Variants in SOX13 observed in about 807,000 individuals in gnomAD.
SOX13 encodes transcription factor SOX-13.
SOX13 carries 28 observed loss-of-function variants against 71.8 expected under a neutral mutation model. The observed-to-expected ratio is 0.39, with a 90% confidence interval of 0.29 to 0.53. The LOEUF (loss-of-function observed/expected upper bound fraction) is 0.53. SOX13 is among the 20% of genes least tolerant of loss of function. The probability of loss-of-function intolerance (pLI) is 0.70; values close to 1 mark genes in which losing one functional copy is unlikely to be tolerated. For missense variants in SOX13, 627 were observed against 810.3 expected (o/e 0.77, Z 2.75); for synonymous variants, 309 against 317.8 (o/e 0.97, Z 0.29).
At position 204,114,398 on chromosome 1, in the gene SOX13, G is replaced by C. The variant is rs766165375; in HGVS notation, c.297G>C (p.Gln99His). The change falls in exon 3 of 14, where the codon CAG (glutamine) becomes CAC (histidine). Residue 99 changes from glutamine (Q) to histidine (H), a missense_variant. By Grantham distance (24) the Gln-to-His change is conservative (BLOSUM62 0). Transcript: ENST00000367204. ...TGTCGGAGGCTGCCTCTGGAAGCCA[G>C]GAGAAGCTGGACTTCAACCGAAATT... Reference protein sequence around the residue: ...PGVSEAASGSQEKLDFNRNLK... With the variant: ...PGVSEAASGSHEKLDFNRNLK... The C allele has an allele frequency of 1.9e-6, 3 of 1,612,918 alleles. No homozygotes were observed. In the Admixed American group the frequency reaches 5.0e-5, roughly 27 times the overall value.
chr1:204,124,492 C>T (rs577178937), intron 12 of SOX13, 149 bp from the exon 13 acceptor site: 1 of 669,138 alleles, frequency 1.5e-6, no homozygotes, highest in Non-Finnish European at 2.6e-6. Flanking sequence ...CAAGGAGCAC[C>T]CGTATCGGGC....
intron 1 of SOX13, among the ~76,000 whole-genome samples, chr1:204,084,831 G>C (rs553579502): frequency 2.0e-5 from 3 of 152,232 alleles, no homozygotes; most frequent in African/African-American, 2.4e-5. Flanking sequence ...TAGACCATGT[G>C]GGGGTGAGGT....
Position 204,117,128 on chromosome 1 carries a change from AAGC to A in SOX13, c.611_613del (p.Gln204del), listed in dbSNP as rs776130202. On this transcript the variant is annotated inframe_deletion, in exon 6 of 14. Coordinates refer to ENST00000367204, the MANE Select transcript of SOX13 (RefSeq NM_005686.3). ...TACTCTTTCCCTCTCCCAGATTGCA[AAGC>A]AGCAGCAGCAGCTGATTCAGCAGCA... 3 of 1,613,602 alleles carry A rather than the reference AAGC, an allele frequency of 1.9e-6. No homozygotes were observed. The highest frequency in any genetic ancestry group is 2.5e-6 in the Non-Finnish European group (3 of 1,179,636).
Position 204,123,482 on chromosome 1 carries a change from C to T in SOX13, c.1232-179C>T, listed in dbSNP as rs539593249. On this transcript the variant is annotated intron_variant, in intron 11 of 13. Coordinates refer to ENST00000367204, the MANE Select transcript of SOX13 (RefSeq NM_005686.3). This position sits in a 1 kb window ranked among gnomAD's most constrained non-coding sequence, Gnocchi z 5.0. ...CTCTGGTTCCCTGGCTGGGCCTCTG[C>T]GGATAATTTGCTGTTTCTTCTGCCC... is the stretch of plus-strand genomic sequence containing the variant. Among the ~76,000 whole-genome samples, 8 of 152,264 alleles carry T rather than the reference C, an allele frequency of 5.3e-5. No homozygotes were observed. Among genetic ancestry groups the T allele is most frequent in the South Asian group, 2.1e-4 (1 of 4,822 alleles).
intron 1 of SOX13, among the ~76,000 whole-genome samples, chr1:204,097,395 A>T (rs1050219235): frequency 6.6e-6 from 1 of 152,142 alleles, no homozygotes; most frequent in Non-Finnish European, 1.5e-5. Context: ...AATAAATATA[A>T]AAACTTGCTT....
intron 1 of SOX13, among the ~76,000 whole-genome samples, chr1:204,096,485 C>A (rs1458865396): frequency 6.6e-6 from 1 of 151,082 alleles, no homozygotes; most frequent in Non-Finnish European, 1.5e-5. Flanking sequence ...GGTGGGTTGT[C>A]GGCTCACTGC....
intron 1 of SOX13, among the ~76,000 whole-genome samples, chr1:204,094,555 G>A (rs531391644): frequency 3.9e-5 from 6 of 152,306 alleles, no homozygotes; most frequent in Admixed American, 2.0e-4. Context: ...GGCCCAATGC[G>A]GGCAGAGAGA....
At chr1:204,098,510 T>C (rs781085632) in intron 1 of SOX13, among the ~76,000 whole-genome samples, 3 of 152,056 alleles carry the variant, frequency 2.0e-5, no homozygotes, top group Non-Finnish European at 4.4e-5. Flanking sequence ...GTTGTTGTTG[T>C]TGCTGATTTT....
chr1:204,107,864 G>A (rs778836845), intron 1 of SOX13, among the ~76,000 whole-genome samples: 1 of 152,192 alleles, frequency 6.6e-6, no homozygotes, highest in Non-Finnish European at 1.5e-5. Context: ...CCCTTGTCTG[G>A]GCAGGGTTAT....
chr1:204,108,218 A>C (rs1656510219), intron 1 of SOX13, among the ~76,000 whole-genome samples: 1 of 152,254 alleles, frequency 6.6e-6, no homozygotes. Context: ...ACTTATCCAA[A>C]AAGAATTTCA....
chr1:204,116,770 G>A, intron 5 of SOX13, 91 bp downstream of exon 5: 1 of 1,553,334 alleles, frequency 6.4e-7, no homozygotes. Flanking sequence ...GGCCTCACCA[G>A]TGCAAGCTGG....
intron 7 of SOX13, 31 bp downstream of exon 7, chr1:204,117,738 C>T (rs767222195): frequency 8.1e-6 from 12 of 1,475,440 alleles, no homozygotes; most frequent in East Asian, 2.3e-5. Flanking sequence ...TCCACCACTG[C>T]GGCCAGCCTG....
chr1:204,105,348 G>A (rs1165537656), intron 1 of SOX13, among the ~76,000 whole-genome samples: 1 of 152,162 alleles, frequency 6.6e-6, no homozygotes, highest in African/African-American at 2.4e-5. Context: ...AGAAGGAAGG[G>A]AGGGCAGAGC....
At chr1:204,105,577 T>C (rs1363058067) in intron 1 of SOX13, among the ~76,000 whole-genome samples, 3 of 152,042 alleles carry the variant, frequency 2.0e-5, no homozygotes, top group Non-Finnish European at 4.4e-5. Flanking sequence ...GGCTAATTTT[T>C]GTATTTTTAG....
chr1:204,111,464 C>A (rs1160656069), intron 1 of SOX13, among the ~76,000 whole-genome samples: 1 of 152,144 alleles, frequency 6.6e-6, no homozygotes, highest in South Asian at 2.1e-4. Flanking sequence ...CCTGGCATGA[C>A]CCCTGGAAAC....
At chr1:204,091,299 C>A (rs1446012195) in intron 1 of SOX13, among the ~76,000 whole-genome samples, 1 of 152,188 alleles carries the variant, frequency 6.6e-6, no homozygotes, top group Non-Finnish European at 1.5e-5. Context: ...CACTGGGACC[C>A]AAACGAATCA....
intron 4 of SOX13, 90 bp from the exon 5 acceptor site, chr1:204,116,417 A>G: frequency 1.9e-6 from 3 of 1,610,534 alleles, no homozygotes; most frequent in South Asian, 1.1e-5. Context: ...CAATTGCTCA[A>G]TAAGTTTCTG....
intron 7 of SOX13, among the ~76,000 whole-genome samples, chr1:204,120,810 A>T (rs1316792589): frequency 6.6e-6 from 1 of 152,130 alleles, no homozygotes; most frequent in African/African-American, 2.4e-5. Flanking sequence ...CTCCACCTGG[A>T]TGCTGGGCCT....
At chr1:204,114,229 C>A in intron 2 of SOX13, 92 bp from the exon 3 acceptor site, 1 of 775,184 alleles carries the variant, frequency 1.3e-6, no homozygotes, top group South Asian at 1.8e-5. Context: ...GGCTGGGATC[C>A]CTCAGGGTAC....
Sources: gnomAD v4.1 joint callset for allele counts (sites outside exome capture counted in the v4.1 genomes callset) on GRCh38, gnomAD v4.1.1 for gene constraint, Gnocchi (gnomAD v3.1) non-coding constraint, MANE v1.5 for transcripts, NCBI Gene and HGNC (gene_info 2026-07-23, HGNC 2026-07-21) for gene names.